Variants in TMEM178B observed in about 807,000 individuals in gnomAD.
TMEM178B encodes transmembrane protein 178B.
In TMEM178B, 5 loss-of-function variants were observed where a neutral mutation model predicts 31.0. That is an observed-to-expected ratio of 0.16 (90% CI 0.08 to 0.34). The LOEUF (loss-of-function observed/expected upper bound fraction) is 0.34. TMEM178B is among the 10% of genes least tolerant of loss of function. The pLI is 1.00. For synonymous variants in TMEM178B, 164 were observed against 164.0 expected (o/e 1.00, Z 0.00); for missense variants, 275 against 400.3 (o/e 0.69, Z 2.67).
chr7:141,147,395 G>A (rs575962127), intron 1 of TMEM178B, among the ~76,000 whole-genome samples: 4 of 152,196 alleles, frequency 2.6e-5, no homozygotes, highest in Admixed American at 6.5e-5. Flanking sequence ...GCCGTGTTTA[G>A]CAACTTGACT....
intron 1 of TMEM178B, among the ~76,000 whole-genome samples, chr7:141,128,683 T>A (rs1795545370): frequency 6.6e-6 from 1 of 152,124 alleles, no homozygotes; most frequent in African/African-American, 2.4e-5. Flanking sequence ...GGGCCCACGA[T>A]GAGTGTGGTA....
intron 2 of TMEM178B, among the ~76,000 whole-genome samples, chr7:141,257,795 C>T (rs1409856687): frequency 6.6e-6 from 1 of 151,576 alleles, no homozygotes; most frequent in Non-Finnish European, 1.5e-5. Context: ...ACAGTCTCTG[C>T]CTTTTGATTG....
At chr7:141,178,795 G>A (rs191576065) in intron 1 of TMEM178B, among the ~76,000 whole-genome samples, 15 of 152,162 alleles carry the variant, frequency 9.9e-5, no homozygotes, top group Middle Eastern at 3.4e-3. Flanking sequence ...TCAGTTTGCC[G>A]GCTTTTAGCA....
chr7:141,287,137 C>T (rs1798459813), intron 2 of TMEM178B, among the ~76,000 whole-genome samples: 1 of 152,056 alleles, frequency 6.6e-6, no homozygotes, highest in African/African-American at 2.4e-5. Flanking sequence ...TTTCTTCTTA[C>T]CTGCTTTTAT....
the TMEM178B span, among the ~76,000 whole-genome samples, chr7:141,503,787 T>A: frequency 6.6e-6 from 1 of 152,362 alleles, no homozygotes; most frequent in Non-Finnish European, 1.5e-5. Flanking sequence ...ATTGGGGCAA[T>A]GTATGTATGT....
At chr7:141,430,659 G>T (rs1163293356) in intron 2 of TMEM178B, among the ~76,000 whole-genome samples, 2 of 152,106 alleles carry the variant, frequency 1.3e-5, no homozygotes, top group Admixed American at 6.5e-5. Context: ...TTCAGAGGTG[G>T]TTGCTGTGCA....
At chr7:141,152,252 G>A (rs556477634) in intron 1 of TMEM178B, among the ~76,000 whole-genome samples, 1 of 152,298 alleles carries the variant, frequency 6.6e-6, no homozygotes, top group Non-Finnish European at 1.5e-5. Context: ...GGCATAGAGC[G>A]CTCTTGCAGC....
chr7:141,476,049 C>T lies in TMEM178B; in HGVS notation c.*5263C>T, dbSNP rs1257581365. The T allele has an allele frequency of 1.3e-5, 2 of 152,174 alleles. No homozygotes were observed. Among genetic ancestry groups the T allele is most frequent in the Non-Finnish European group, 2.9e-5 (2 of 68,032 alleles). 9.4% of individuals were successfully genotyped at this position (152,174 alleles called of 1,614,324 possible). A position where few individuals can be genotyped will look rare whatever the true frequency, so the allele number is the denominator to read the frequency against. ...AAGAAATTGCAAAGTGATTTGCAAA[C>T]ATGAAGTGTCATATGAGTTATGTAT... is the stretch of plus-strand genomic sequence containing the variant. On this transcript the variant is annotated 3_prime_UTR_variant, in exon 4 of 4. Transcript: ENST00000565468.
At chr7:141,143,469 C>A (rs796585700) in intron 1 of TMEM178B, among the ~76,000 whole-genome samples, 3 of 152,134 alleles carry the variant, frequency 2.0e-5, no homozygotes, top group Non-Finnish European at 4.4e-5. Context: ...CTTATTGAAC[C>A]AGGAGTCCTT....
chr7:141,389,725 T>G (rs2116601986), intron 2 of TMEM178B, among the ~76,000 whole-genome samples: 1 of 152,314 alleles, frequency 6.6e-6, no homozygotes, highest in East Asian at 1.9e-4. Flanking sequence ...TATTAGGAGA[T>G]GTCTAAATGA....
intron 3 of TMEM178B, among the ~76,000 whole-genome samples, chr7:141,443,628 G>A (rs979678301): frequency 3.3e-5 from 5 of 152,134 alleles, no homozygotes; most frequent in Non-Finnish European, 7.4e-5. Flanking sequence ...CTGATCATGT[G>A]TTTCTCAAGT....
In TMEM178B at chr7:141,476,103, G is replaced by A. The variant is rs748100565; in HGVS notation, c.*5317G>A. The A allele has an allele frequency of 1.3e-5, 2 of 152,214 alleles. No homozygotes were observed. Among genetic ancestry groups the A allele is most frequent in the East Asian group, 1.9e-4 (1 of 5,180 alleles). The allele number at this position is 152,214 out of a possible 1,614,324, so 9.4% of individuals were successfully genotyped here. A position where few individuals can be genotyped will look rare whatever the true frequency, so the allele number is the denominator to read the frequency against. On this transcript the variant is annotated 3_prime_UTR_variant, in exon 4 of 4. Transcript: ENST00000565468. ...CTAATTATCCCTCAGAAGACCCCCC[G>A]CTGGAATGGAATTCTCACATCAAGT...
At chr7:141,403,297 G>A (rs1800820286) in intron 2 of TMEM178B, among the ~76,000 whole-genome samples, 1 of 152,170 alleles carries the variant, frequency 6.6e-6, no homozygotes, top group African/African-American at 2.4e-5. Context: ...GTGTGATCCT[G>A]GACATTGATT....
chr7:141,352,470 C>T (rs569293728), intron 2 of TMEM178B: 4 of 152,054 alleles, frequency 2.6e-5, no homozygotes, highest in African/African-American at 9.7e-5. Flanking sequence ...CTCTGCTTCC[C>T]AGGTTGACGT....
In TMEM178B at chr7:141,397,911, C is replaced by T. The variant is rs1353856442; in HGVS notation, c.497-39697C>T. On this transcript the variant is annotated intron_variant, in intron 2 of 3. Coordinates refer to ENST00000565468, the MANE Select transcript of TMEM178B (RefSeq NM_001195278.2). ...AGTAGTTATCGGGCAAATGGGGACT[C>T]AGAAGAGAGCTAGAGCTGTGATATT... 2.0e-5 allele frequency among the ~76,000 whole-genome samples: 3 copies of T among 152,172 alleles called. No individual in the cohort carries two copies. The East Asian group carries it at 5.8e-4, about 29-fold the overall frequency.
chr7:141,144,568 C>T (rs1184902308), intron 1 of TMEM178B, among the ~76,000 whole-genome samples: 1 of 152,238 alleles, frequency 6.6e-6, no homozygotes, highest in African/African-American at 2.4e-5. Context: ...CAGTGCTGAA[C>T]CCAGACACAA....
Position 141,145,745 on chromosome 7 carries a change from T to A in TMEM178B, c.383-66846T>A, listed in dbSNP as rs138622160. On this transcript the variant is annotated intron_variant, in intron 1 of 3. Transcript: ENST00000565468. ...TAGGCCCCCTTAATGCTGATGCAGC[T>A]GTTGAGAACTGAATTGCCTTCAGGG... 3.8e-3 allele frequency among the ~76,000 whole-genome samples: 582 copies of A among 152,350 alleles called. 5 individuals carry two copies. Among genetic ancestry groups the A allele is most frequent in the African/African-American group, 0.011 (457 of 41,594 alleles).
chr7:141,150,904 T>C lies in TMEM178B; in HGVS notation c.383-61687T>C, dbSNP rs191349227. Among the ~76,000 whole-genome samples, 173 of 152,362 alleles carry C rather than the reference T, an allele frequency of 1.1e-3. 1 individual carries two copies. Among genetic ancestry groups the C allele is most frequent in the African/African-American group, 3.9e-3 (161 of 41,584 alleles). ...AGGATAATATGGAAGAAAAGAGCTA[T>C]ACTGTTCAGGGTCATGGAAATAAAT... On this transcript the variant is annotated intron_variant, in intron 1 of 3. Transcript: ENST00000565468.
chr7:141,331,354 A>G (rs901044458), intron 2 of TMEM178B, among the ~76,000 whole-genome samples: 1 of 152,188 alleles, frequency 6.6e-6, no homozygotes, highest in Non-Finnish European at 1.5e-5. Flanking sequence ...AAGTAGATGG[A>G]AAATCTGTGG....
Sources: gnomAD v4.1 joint callset for allele counts (sites outside exome capture counted in the v4.1 genomes callset) on GRCh38, gnomAD v4.1.1 for gene constraint, MANE v1.5 for transcripts, NCBI Gene and HGNC (gene_info 2026-07-23, HGNC 2026-07-21) for gene names.